RAD51B: variants seen among roughly 807,000 people sequenced by gnomAD.
RAD51B encodes the protein RAD51 paralog B, also known as DNA repair protein RAD51 homolog 2.
In RAD51B, 38 loss-of-function variants were observed where a neutral mutation model predicts 42.2. The observed-to-expected ratio is 0.90, with a 90% CI of 0.70 to 1.18. The LOEUF (loss-of-function observed/expected upper bound fraction) is 1.18, where lower values mean the gene tolerates loss of function less well. Among genes scored for constraint, RAD51B ranks in the 50% most tolerant of loss-of-function variants. The pLI is 0.00. For synonymous variants in RAD51B, 154 were observed against 145.2 expected, an observed-to-expected ratio of 1.06 and a Z score of -0.43; for missense variants, 373 against 400.7, an observed-to-expected ratio of 0.93 and a Z score of 0.59.
intron 10 of RAD51B, among the ~76,000 whole-genome samples, chr14:68,628,680 A>T (rs1471740595): frequency 6.6e-6 from 1 of 152,136 alleles, no homozygotes; most frequent in Non-Finnish European, 1.5e-5. Context: ...ACCTGGGCTG[A>T]GTCGCGGGCG....
At chr14:68,339,092 C>G (rs1024419861) in intron 8 of RAD51B, 1 of 685,984 alleles carries the variant, frequency 1.5e-6, no homozygotes, top group Non-Finnish European at 2.7e-6. Context: ...TGTTCTCCAC[C>G]AAGGTGGTGA....
intron 8 of RAD51B, among the ~76,000 whole-genome samples, chr14:68,367,470 A>G (rs2083165787): frequency 6.6e-6 from 1 of 152,194 alleles, no homozygotes; most frequent in Admixed American, 6.5e-5. Context: ...TGCCTACTAT[A>G]TATCAGACTT....
chr14:68,561,185 T>G (rs1433155167), intron 10 of RAD51B, among the ~76,000 whole-genome samples: 1 of 152,210 alleles, frequency 6.6e-6, no homozygotes, highest in Admixed American at 6.5e-5. Flanking sequence ...CAACAAGCTC[T>G]TCGCATGGTG....
chr14:68,419,361 G>T (rs994505858), intron 9 of RAD51B, among the ~76,000 whole-genome samples: 41 of 151,882 alleles, frequency 2.7e-4, no homozygotes, highest in African/African-American at 9.9e-4. Flanking sequence ...TATTGGGTTT[G>T]CAGGTGATAT....
rs558308191 is a variant in RAD51B at position 68,028,259 on chromosome 14, A to G, written c.756+141055A>G. On this transcript the variant is annotated intron_variant, in intron 7 of 10. Transcript: ENST00000471583. ...CGTTGGGGAGAGAGATGACCTTTCC[A>G]CCAGGTTTGCTTCTGGGCCTTGGGG... is the stretch of plus-strand genomic sequence containing the variant. 3.3e-5 allele frequency among the ~76,000 whole-genome samples: 5 copies of G among 152,134 alleles called. No individual in the cohort carries two copies. In the South Asian group the frequency reaches 1.0e-3, roughly 32 times the overall value.
intron 8 of RAD51B, among the ~76,000 whole-genome samples, chr14:68,355,902 G>T (rs1029354001): frequency 6.6e-6 from 1 of 152,072 alleles, no homozygotes; most frequent in African/African-American, 2.4e-5. Context: ...AAACAGCTGT[G>T]CTATTATCCA....
chr14:68,203,728 TG>T (rs2079534194), intron 7 of RAD51B, among the ~76,000 whole-genome samples: 1 of 152,262 alleles, frequency 6.6e-6, no homozygotes, highest in Admixed American at 6.5e-5. Context: ...CCTTCATCAA[TG>T]ATCTTAGCTA....
At chr14:68,511,489 A>G (rs1036086201) in intron 10 of RAD51B, among the ~76,000 whole-genome samples, 12 of 152,352 alleles carry the variant, frequency 7.9e-5, no homozygotes, top group Admixed American at 7.8e-4. Context: ...TAAGTGGAAC[A>G]CTAACCTGGC....
chr14:68,170,880 G>GA (rs2140855751), intron 7 of RAD51B, among the ~76,000 whole-genome samples: 1 of 152,292 alleles, frequency 6.6e-6, no homozygotes, highest in African/African-American at 2.4e-5. Flanking sequence ...AAATGTTGAT[G>GA]AAAAAAATGT....
At chr14:68,645,704 A>G (rs1892551527) in intron 10 of RAD51B, among the ~76,000 whole-genome samples, 1 of 152,184 alleles carries the variant, frequency 6.6e-6, no homozygotes, top group South Asian at 2.1e-4. Context: ...TAATGGGTGT[A>G]AGATGCTTGC....
At chr14:68,548,992 A>C (rs1291666946) in intron 10 of RAD51B, among the ~76,000 whole-genome samples, 1 of 152,124 alleles carries the variant, frequency 6.6e-6, no homozygotes, top group Non-Finnish European at 1.5e-5. Context: ...GCATTTGATT[A>C]CAGGACCCCT....
chr14:68,651,938 C>T (rs1470544595), intron 11 of RAD51B, among the ~76,000 whole-genome samples: 7 of 152,248 alleles, frequency 4.6e-5, no homozygotes, highest in East Asian at 1.9e-4. Flanking sequence ...CCACCTGGCA[C>T]GCCCAGCGCC....
At chr14:68,509,266 C>A (rs1885553093) in intron 10 of RAD51B, among the ~76,000 whole-genome samples, 1 of 152,216 alleles carries the variant, frequency 6.6e-6, no homozygotes, top group Non-Finnish European at 1.5e-5. Flanking sequence ...GTCAAGTGGT[C>A]GTGTGGCACA....
intron 7 of RAD51B, among the ~76,000 whole-genome samples, chr14:68,137,242 C>T (rs2078030246): frequency 6.6e-6 from 1 of 152,178 alleles, no homozygotes; most frequent in African/African-American, 2.4e-5. Flanking sequence ...CGCCACTGCA[C>T]TCCTGATAGA....
At chr14:68,419,484 A>G (rs1257597927) in intron 9 of RAD51B, among the ~76,000 whole-genome samples, 1 of 152,212 alleles carries the variant, frequency 6.6e-6, no homozygotes, top group Non-Finnish European at 1.5e-5. Flanking sequence ...ATTACAAGAT[A>G]AAAGTCATCT....
intron 11 of RAD51B, among the ~76,000 whole-genome samples, chr14:68,654,070 C>T (rs1430572556): frequency 2.6e-5 from 4 of 152,178 alleles, no homozygotes; most frequent in Admixed American, 6.5e-5. Context: ...GATGGCATGA[C>T]GAAGAGAGGA....
chr14:68,597,847 G>A (rs1891066459), downstream of RAD51B, among the ~76,000 whole-genome samples: 1 of 149,960 alleles, frequency 6.7e-6, no homozygotes, highest in Non-Finnish European at 1.5e-5. Context: ...CCCTGATGGA[G>A]AGAACTCTAC....
chr14:68,171,054 A>G (rs2078862055), intron 7 of RAD51B, among the ~76,000 whole-genome samples: 1 of 152,206 alleles, frequency 6.6e-6, no homozygotes, highest in South Asian at 2.1e-4. Flanking sequence ...TCCATAACCC[A>G]TCAAGTGGCC....
At chr14:68,595,300 T>G (rs1890943913) in exon 11 of RAD51B, 3 of 1,066,146 alleles carry the variant, frequency 2.8e-6, no homozygotes, top group South Asian at 4.5e-5. Context: ...TTTCGCTTCC[T>G]TTGCTGTTAC....
Sources: gnomAD v4.1 joint callset for allele counts (sites outside exome capture counted in the v4.1 genomes callset) on GRCh38, gnomAD v4.1.1 for gene constraint, MANE v1.5 for transcripts, NCBI Gene and HGNC (gene_info 2026-07-23, HGNC 2026-07-21) for gene names.